Variants in SRGAP3 observed in about 807,000 individuals in gnomAD.
SRGAP3 encodes the protein SLIT-ROBO Rho GTPase-activating protein 3.
Under a neutral mutation model 121.1 loss-of-function variants are expected in SRGAP3, and 39 were observed. The observed-to-expected ratio is 0.32, with a 90% CI of 0.25 to 0.42. The LOEUF (loss-of-function observed/expected upper bound fraction) is 0.42. Ranked by LOEUF, SRGAP3 falls within the 10% of genes least tolerant of loss-of-function variation. The pLI is 1.00. For missense variants in SRGAP3, 1,213 were observed against 1,470.6 expected, an observed-to-expected ratio of 0.82 and a Z score of 2.86; for synonymous variants, 601 against 570.0, an observed-to-expected ratio of 1.05 and a Z score of -0.77.
At chr3:9,014,682 G>A (rs1235199146) in intron 15 of SRGAP3, 2 of 152,254 alleles carry the variant, frequency 1.3e-5, no homozygotes, top group Non-Finnish European at 2.9e-5. Context: ...GAATAGTGTG[G>A]AGGGAAGAGA....
chr3:9,034,182 A>C (rs1219341173), intron 11 of SRGAP3: 2 of 152,184 alleles, frequency 1.3e-5, no homozygotes, highest in Admixed American at 1.3e-4. Context: ...GGCCTGACTC[A>C]ATGGTGCCAG....
Position 9,230,582 on chromosome 3 carries a change from T to G in SRGAP3, c.67+18303A>C, listed in dbSNP as rs1445267301. Reference sequence around the variant, plus strand: ...GTGTGGGAGAGGGAAAAAGAAAGCATGGATTTGGGCAGGCACAGTGGCTCA... The same window carrying G: ...GTGTGGGAGAGGGAAAAAGAAAGCAGGGATTTGGGCAGGCACAGTGGCTCA... On this transcript the variant is annotated intron_variant, in intron 1 of 21. Transcript: ENST00000383836. Among the ~76,000 whole-genome samples the G allele has an allele frequency of 2.0e-5, 3 of 152,034 alleles. No homozygotes were observed. In the East Asian group the frequency reaches 5.8e-4, roughly 29 times the overall value.
intron 3 of SRGAP3, among the ~76,000 whole-genome samples, chr3:9,274,435 C>G (rs1022566651): frequency 6.6e-6 from 1 of 152,130 alleles, no homozygotes; most frequent in Non-Finnish European, 1.5e-5. Context: ...GGTGCAGGAG[C>G]CAGGGCGAGT....
intron 1 of SRGAP3, among the ~76,000 whole-genome samples, chr3:9,228,502 A>G (rs1171471943): frequency 6.6e-6 from 1 of 152,214 alleles, no homozygotes; most frequent in African/African-American, 2.4e-5. Flanking sequence ...GAACTGCTTC[A>G]AACATCCAGA....
chr3:9,326,738 T>C (rs578108296), intron 2 of SRGAP3, among the ~76,000 whole-genome samples: 1 of 151,982 alleles, frequency 6.6e-6, no homozygotes, highest in South Asian at 2.1e-4. Context: ...TTGGCTGGTT[T>C]AGCATGATAA....
At chr3:9,327,087 A>T (rs1338902664) in intron 2 of SRGAP3, among the ~76,000 whole-genome samples, 1 of 151,854 alleles carries the variant, frequency 6.6e-6, no homozygotes, top group Non-Finnish European at 1.5e-5. Flanking sequence ...TTATGTTTCC[A>T]TTAGTGTATT....
chr3:9,007,641 A>C (rs1240174564), intron 18 of SRGAP3: 1 of 151,912 alleles, frequency 6.6e-6, no homozygotes, highest in Admixed American at 6.6e-5. Flanking sequence ...TTTCTTATCC[A>C]CCTCCCTGTC....
intron 2 of SRGAP3, among the ~76,000 whole-genome samples, chr3:9,119,211 G>A (rs984714118): frequency 3.3e-5 from 5 of 152,152 alleles, no homozygotes; most frequent in African/African-American, 1.2e-4. Context: ...AGACATCCTT[G>A]TTGCCTCTCT....
intron 1 of SRGAP3, among the ~76,000 whole-genome samples, chr3:9,234,186 C>T (rs1488406055): frequency 6.6e-6 from 1 of 152,094 alleles, no homozygotes; most frequent in Non-Finnish European, 1.5e-5. Flanking sequence ...TCCAGAAGAT[C>T]GGAGCAAGAG....
intron 21 of SRGAP3, among the ~76,000 whole-genome samples, chr3:8,989,827 G>T (rs992529787): frequency 1.3e-5 from 2 of 152,200 alleles, no homozygotes; most frequent in Non-Finnish European, 2.9e-5. Flanking sequence ...GAAGAACCTG[G>T]AACATTCTTC....
chr3:9,042,219 A>G (rs1177109889), intron 10 of SRGAP3, among the ~76,000 whole-genome samples: 1 of 152,154 alleles, frequency 6.6e-6, no homozygotes, highest in Non-Finnish European at 1.5e-5. Flanking sequence ...TAGAAAATCA[A>G]TAAGATATTT....
At chr3:9,274,509 C>T (rs992258914) in intron 3 of SRGAP3, among the ~76,000 whole-genome samples, 1 of 152,178 alleles carries the variant, frequency 6.6e-6, no homozygotes, top group Admixed American at 6.5e-5. Flanking sequence ...GGGGGAAGTG[C>T]CTGTGACCCC....
chr3:9,010,538 C>A, intron 17 of SRGAP3, 151 bp from the exon 18 acceptor site: 1 of 815,252 alleles, frequency 1.2e-6, no homozygotes, highest in Non-Finnish European at 2.1e-6. Flanking sequence ...GTGACCACTC[C>A]GGGGACCTTC....
intron 2 of SRGAP3, among the ~76,000 whole-genome samples, chr3:9,118,441 C>G (rs1432103995): frequency 1.3e-5 from 2 of 152,184 alleles, no homozygotes; most frequent in Admixed American, 6.5e-5. Flanking sequence ...TATGTGCTGC[C>G]TGCTACACCA....
At chr3:8,996,716 T>G (rs1942422292) in intron 18 of SRGAP3, among the ~76,000 whole-genome samples, 1 of 152,238 alleles carries the variant, frequency 6.6e-6, no homozygotes, top group Admixed American at 6.5e-5. Context: ...GTGCTGGAAC[T>G]GCCTGCTAGC....
chr3:9,201,476 C>A (rs925808271), intron 1 of SRGAP3, among the ~76,000 whole-genome samples: 5 of 152,250 alleles, frequency 3.3e-5, no homozygotes, highest in Non-Finnish European at 7.3e-5. Context: ...TCTGCTGGAA[C>A]AGACTCTCCA....
intron 3 of SRGAP3, among the ~76,000 whole-genome samples, chr3:9,102,500 G>C (rs1320106017): frequency 6.6e-6 from 1 of 152,216 alleles, no homozygotes; most frequent in African/African-American, 2.4e-5. Context: ...TCTGACCAGA[G>C]AGCAGCCTCC....
intron 1 of SRGAP3, among the ~76,000 whole-genome samples, chr3:9,246,205 A>T (rs6799117): frequency 0.013 from 2,026 of 152,300 alleles, 28 homozygotes; most frequent in African/African-American, 0.03. Context: ...AGAACTCAGC[A>T]CTGTTTTTAA....
chr3:9,313,135 A>C (rs1156451675), intron 3 of SRGAP3, among the ~76,000 whole-genome samples: 1 of 151,628 alleles, frequency 6.6e-6, no homozygotes, highest in African/African-American at 2.4e-5. Context: ...TGCTTACTCC[A>C]CTCCTCCCAA....
Sources: allele counts gnomAD v4.1 joint callset (sites outside exome capture counted in the v4.1 genomes callset), GRCh38; gene constraint gnomAD v4.1.1; transcripts MANE v1.5; gene names NCBI Gene and HGNC (gene_info 2026-07-23, HGNC 2026-07-21).